Variants in STARD8 observed in about 807,000 individuals in gnomAD.
STARD8 encodes stAR-related lipid transfer protein 8.
A neutral mutation model predicts 69.4 loss-of-function variants in STARD8; 25 were observed. The observed-to-expected ratio is 0.36, with a 90% CI of 0.26 to 0.50. The LOEUF is 0.50. Among genes scored for constraint, STARD8 ranks in the 20% least tolerant of loss-of-function variants. The probability of loss-of-function intolerance (pLI) is 0.96; values close to 1 mark genes in which losing one functional copy is unlikely to be tolerated. For missense variants in STARD8, 921 were observed against 932.5 expected (o/e 0.99, Z 0.16); for synonymous variants, 389 against 374.6 (o/e 1.04, Z -0.45).
At chrX:68,693,318 C>T (rs764067160) in intron 2 of STARD8, among the ~76,000 whole-genome samples, 2 of 112,766 alleles carry the variant, frequency 1.8e-5, no homozygotes, top group South Asian at 3.7e-4. Flanking sequence ...GTCACTGAAC[C>T]CTCCCGGGCA....
intron 2 of STARD8, among the ~76,000 whole-genome samples, chrX:68,704,983 A>G (rs1021030212): frequency 8.9e-6 from 1 of 112,127 alleles, no homozygotes; most frequent in African/African-American, 3.2e-5. Context: ...AGTGGAGAGC[A>G]GTCACCGCTG....
intron 1 of STARD8, among the ~76,000 whole-genome samples, chrX:68,660,040 G>A (rs944978747): frequency 2.7e-5 from 3 of 111,233 alleles, no homozygotes; most frequent in African/African-American, 9.8e-5. Context: ...GGTGGATAGA[G>A]ATGGAAAGTC....
intron 2 of STARD8, among the ~76,000 whole-genome samples, chrX:68,705,137 T>C (rs1478988423): frequency 8.9e-6 from 1 of 112,450 alleles, no homozygotes; most frequent in African/African-American, 3.2e-5. Flanking sequence ...TGGGACTGGG[T>C]TGGGGGCAGG....
At chrX:68,666,213 G>A (rs1339822011) in intron 2 of STARD8, among the ~76,000 whole-genome samples, 1 of 111,697 alleles carries the variant, frequency 9.0e-6, no homozygotes, top group African/African-American at 3.3e-5. Context: ...GAGAAAGAAG[G>A]CTACTGGCCA....
At chrX:68,665,378 C>T (rs1348208212) in intron 1 of STARD8, 121 bp from the exon 2 acceptor site, 1 of 804,520 alleles carries the variant, frequency 1.2e-6, no homozygotes, top group African/African-American at 2.0e-5. Flanking sequence ...TTCTTTGGAC[C>T]TCCATGTGTC....
intron 3 of STARD8, among the ~76,000 whole-genome samples, chrX:68,713,304 A>C (rs180772766): frequency 8.9e-6 from 1 of 112,561 alleles, no homozygotes; most frequent in Admixed American, 9.3e-5. Flanking sequence ...TGCCGCCTGG[A>C]GTTGTACACC....
intron 2 of STARD8, among the ~76,000 whole-genome samples, chrX:68,700,986 C>G (rs1345995091): frequency 1.8e-5 from 2 of 111,451 alleles, no homozygotes; most frequent in African/African-American, 3.3e-5. Flanking sequence ...TTCTGCAGTC[C>G]TGTCATTTGG....
At chrX:68,706,104 G>A (rs932812613) in intron 2 of STARD8, among the ~76,000 whole-genome samples, 1 of 111,896 alleles carries the variant, frequency 8.9e-6, no homozygotes, top group Admixed American at 9.4e-5. Flanking sequence ...CTGGAACTTG[G>A]CATCCAGCTG....
intron 13 of STARD8, 38 bp downstream of exon 13, chrX:68,723,881 G>A (rs372383184): frequency 4.1e-6 from 5 of 1,205,513 alleles, no homozygotes; most frequent in Non-Finnish European, 5.6e-6. Context: ...GTGCTTGGGG[G>A]GCCGGAGAAG....
intron 1 of STARD8, among the ~76,000 whole-genome samples, chrX:68,661,970 C>CTCTTTCTTTCTTTCTTTCTTTCTT (rs1169605331): frequency 1.8e-5 from 1 of 56,003 alleles, no homozygotes; most frequent in Non-Finnish European, 3.0e-5. Context: ...CTCTCTCTCT[C>CTCTTTCTTTCTTTCTTTCTTTCTT]TCTTTCTTTC....
At chrX:68,704,105 A>G (rs1477990553) in intron 2 of STARD8, among the ~76,000 whole-genome samples, 1 of 111,591 alleles carries the variant, frequency 9.0e-6, no homozygotes, top group African/African-American at 3.3e-5. Context: ...TGCAGCGGCA[A>G]CACAAAGACC....
chrX:68,679,558 T>A (rs1220674568), intron 2 of STARD8, among the ~76,000 whole-genome samples: 1 of 111,417 alleles, frequency 9.0e-6, no homozygotes, highest in Admixed American at 9.5e-5. Flanking sequence ...ACACAGAACA[T>A]CCCAAGCTTG....
chrX:68,693,246 C>T (rs1173457340), intron 2 of STARD8, among the ~76,000 whole-genome samples: 1 of 112,720 alleles, frequency 8.9e-6, no homozygotes, highest in Non-Finnish European at 1.9e-5. Context: ...TGGTTTTCCC[C>T]TACCAATTGG....
At chrX:68,671,378 C>G (rs947694836) in intron 2 of STARD8, among the ~76,000 whole-genome samples, 2 of 112,521 alleles carry the variant, frequency 1.8e-5, no homozygotes, top group Admixed American at 9.4e-5. Context: ...AAACATCACA[C>G]TGTTCTGCAT....
At chrX:68,712,199 A>G (rs959944054) in intron 2 of STARD8, among the ~76,000 whole-genome samples, 2 of 111,495 alleles carry the variant, frequency 1.8e-5, no homozygotes, top group African/African-American at 6.5e-5. Context: ...GCACTGCACT[A>G]TGACACAAAT....
chrX:68,693,642 CT>C, intron 2 of STARD8: 1 of 754,789 alleles, frequency 1.3e-6, no homozygotes, highest in Non-Finnish European at 1.6e-6. Flanking sequence ...CCCACTTGAG[CT>C]GAGTGGACTC....
At chrX:68,699,817 C>G (rs2079952426) in intron 2 of STARD8, among the ~76,000 whole-genome samples, 1 of 111,890 alleles carries the variant, frequency 8.9e-6, no homozygotes, top group Non-Finnish European at 1.9e-5. Context: ...ACTCCTAACC[C>G]CCAGAATCTT....
chrX:68,689,620 A>C (rs1339736588), intron 2 of STARD8, among the ~76,000 whole-genome samples: 1 of 112,398 alleles, frequency 8.9e-6, no homozygotes, highest in Non-Finnish European at 1.9e-5. Context: ...AGGGAGGGCA[A>C]GGGCAGAGAG....
chrX:68,651,524 A>T (rs1253810854), intron 1 of STARD8, among the ~76,000 whole-genome samples: 8 of 111,595 alleles, frequency 7.2e-5, no homozygotes, highest in African/African-American at 2.6e-4. Flanking sequence ...CGGGAGACTG[A>T]GGGGTTTGAG....
Sources: gnomAD v4.1 joint callset for allele counts (sites outside exome capture counted in the v4.1 genomes callset) on GRCh38, gnomAD v4.1.1 for gene constraint, MANE v1.5 for transcripts, NCBI Gene and HGNC (gene_info 2026-07-23, HGNC 2026-07-21) for gene names.